The following RAB38 variants were observed in gnomAD, a reference collection of about 807,000 sequenced individuals.
RAB38 encodes the protein ras-related protein Rab-38.
A neutral mutation model predicts 18.4 loss-of-function variants in RAB38; 15 were observed. The observed-to-expected ratio is 0.82, with a 90% confidence interval of 0.55 to 1.26. The LOEUF is 1.26. Among genes scored for constraint, RAB38 ranks in the 50% most tolerant of loss-of-function variants. The probability of loss-of-function intolerance (pLI) is 0.00; values close to 1 mark genes in which losing one functional copy is unlikely to be tolerated. For synonymous variants in RAB38, 101 were observed against 104.4 expected (o/e 0.97, Z 0.20); for missense variants, 294 against 267.4 (o/e 1.10, Z -0.69).
chr11:87,891,502 C>T, the RAB38 span, among the ~76,000 whole-genome samples: 1 of 151,716 alleles, frequency 6.6e-6, no homozygotes, highest in Non-Finnish European at 1.5e-5. Context: ...TTGCTCTTTC[C>T]TCCATTTACT....
intron 2 of RAB38, among the ~76,000 whole-genome samples, chr11:88,138,939 C>G (rs575054761): frequency 6.6e-6 from 1 of 151,858 alleles, no homozygotes. Context: ...CCCGCCACCA[C>G]GCCTGGCTAA....
At chr11:87,934,277 G>T in the RAB38 span, among the ~76,000 whole-genome samples, 2 of 152,030 alleles carry the variant, frequency 1.3e-5, no homozygotes, top group Admixed American at 6.6e-5. Context: ...ACCTACAGAA[G>T]CACCATTTAA....
chr11:88,068,291 T>A, the RAB38 span, among the ~76,000 whole-genome samples: 3 of 152,132 alleles, frequency 2.0e-5, no homozygotes, highest in Admixed American at 2.0e-4. Context: ...TTAGCTAATA[T>A]ATCAGCTATA....
At chr11:88,109,810 A>C (rs1942449692), downstream of RAB38, among the ~76,000 whole-genome samples, 1 of 152,246 alleles carries the variant, frequency 6.6e-6, no homozygotes, top group Non-Finnish European at 1.5e-5. Context: ...AATCAAAACC[A>C]CAATGAGATA....
the RAB38 span, among the ~76,000 whole-genome samples, chr11:88,056,415 G>C: frequency 2.0e-5 from 3 of 152,130 alleles, no homozygotes; most frequent in Admixed American, 2.0e-4. Flanking sequence ...AGTAGGAGTA[G>C]GTCAAAATGA....
the RAB38 span, among the ~76,000 whole-genome samples, chr11:87,847,057 A>T: frequency 5.3e-5 from 8 of 152,062 alleles, no homozygotes; most frequent in African/African-American, 1.9e-4. Flanking sequence ...AAATGCATAT[A>T]TCAGGAAAAA....
At chr11:87,904,835 G>A in the RAB38 span, among the ~76,000 whole-genome samples, 1 of 151,698 alleles carries the variant, frequency 6.6e-6, no homozygotes, top group African/African-American at 2.4e-5. Flanking sequence ...TTTTGATTAT[G>A]ATGTATATTG....
the RAB38 span, among the ~76,000 whole-genome samples, chr11:87,973,300 A>C: frequency 3.3e-5 from 5 of 152,072 alleles, no homozygotes; most frequent in African/African-American, 1.2e-4. Flanking sequence ...CAGAGAAAAA[A>C]ATAAGAATTT....
At chr11:88,047,937 T>C in the RAB38 span, among the ~76,000 whole-genome samples, 1 of 152,190 alleles carries the variant, frequency 6.6e-6, no homozygotes, top group East Asian at 1.9e-4. Flanking sequence ...AGGCCCATTC[T>C]ATTCTGTCGT....
At chr11:88,116,907 C>A (rs567915449) in intron 2 of RAB38, among the ~76,000 whole-genome samples, 1 of 152,052 alleles carries the variant, frequency 6.6e-6, no homozygotes, top group South Asian at 2.1e-4. Context: ...GAATTCAATG[C>A]GTGTGGGAAA....
chr11:88,084,424 T>C, the RAB38 span, among the ~76,000 whole-genome samples: 31 of 150,308 alleles, frequency 2.1e-4, no homozygotes, highest in Admixed American at 1.7e-3. Context: ...AGGAGGGAGA[T>C]AAAATCATCC....
the RAB38 span, among the ~76,000 whole-genome samples, chr11:87,845,838 T>A: frequency 6.6e-6 from 1 of 152,134 alleles, no homozygotes; most frequent in Non-Finnish European, 1.5e-5. Flanking sequence ...ACTGTTGATT[T>A]CTCATCAGAA....
chr11:87,825,329 TG>T, the RAB38 span, among the ~76,000 whole-genome samples: 1 of 152,172 alleles, frequency 6.6e-6, no homozygotes, highest in Admixed American at 6.6e-5. Context: ...TTGCTAGGGC[TG>T]CCATAACAAA....
At chr11:88,042,135 C>G in the RAB38 span, among the ~76,000 whole-genome samples, 3 of 151,872 alleles carry the variant, frequency 2.0e-5, no homozygotes, top group African/African-American at 7.2e-5. Context: ...ACTCCTTCCT[C>G]TGAAGAAAAA....
the RAB38 span, among the ~76,000 whole-genome samples, chr11:88,041,365 G>A: frequency 4.6e-5 from 7 of 152,052 alleles, no homozygotes; most frequent in Non-Finnish European, 8.8e-5. Context: ...CTCTTTGCCC[G>A]GAAAGACCTT....
At chr11:87,853,601 T>G in the RAB38 span, among the ~76,000 whole-genome samples, 3 of 152,196 alleles carry the variant, frequency 2.0e-5, no homozygotes, top group Non-Finnish European at 4.4e-5. Flanking sequence ...AAAAAAATAC[T>G]ATGTTCTGGG....
chr11:87,814,825 C>T, the RAB38 span, among the ~76,000 whole-genome samples: 14 of 151,998 alleles, frequency 9.2e-5, no homozygotes, highest in Non-Finnish European at 1.5e-4. Flanking sequence ...GCTCTGCCTC[C>T]GGGGTTCACG....
chr11:88,016,425 T>C, the RAB38 span, among the ~76,000 whole-genome samples: 58 of 152,278 alleles, frequency 3.8e-4, no homozygotes, highest in Non-Finnish European at 6.9e-4. Flanking sequence ...ATGAAAATGA[T>C]TGAAGACTTG....
chr11:88,028,617 G>A, the RAB38 span, among the ~76,000 whole-genome samples: 2 of 152,184 alleles, frequency 1.3e-5, no homozygotes, highest in Non-Finnish European at 2.9e-5. Flanking sequence ...TCAACTGGAA[G>A]AAAGGGTATC....
Sources: allele counts gnomAD v4.1 joint callset (sites outside exome capture counted in the v4.1 genomes callset), GRCh38; gene constraint gnomAD v4.1.1; transcripts MANE v1.5; gene names NCBI Gene and HGNC (gene_info 2026-07-23, HGNC 2026-07-21).